The following BDP1 variants were observed in gnomAD, a reference collection of about 807,000 sequenced individuals.
BDP1 encodes transcription factor TFIIIB component B'' homolog.
In BDP1, 169 loss-of-function variants were observed where a neutral mutation model predicts 266.6. The observed-to-expected ratio is 0.63, with a 90% CI of 0.56 to 0.72. BDP1 has a LOEUF of 0.72. Among genes scored for constraint, BDP1 ranks in the 30% least tolerant of loss-of-function variants. The pLI, the probability that BDP1 is intolerant of heterozygous loss-of-function variation, is 0.00. For synonymous variants in BDP1, 1,090 were observed against 1,022.4 expected (o/e 1.07, Z -1.26); for missense variants, 3,015 against 3,053.8 (o/e 0.99, Z 0.30).
At position 71,540,960 on chromosome 5, in the gene BDP1, A is replaced by AT. The variant is rs796093026; in HGVS notation, c.6023-492dup. Among the ~76,000 whole-genome samples the AT allele has an allele frequency of 9.9e-5, 15 of 152,222 alleles. 1 individual carries two copies. The highest frequency in any genetic ancestry group is 3.6e-4 in the African/African-American group (15 of 41,550). On this transcript the variant is annotated intron_variant, in intron 28 of 38. Transcript: ENST00000358731. Reference sequence around the variant, plus strand: ...CTCAAAAATAGATAAATAAAGACATATTAGACTTTTAGGCTTGGAACCATG... The same window carrying AT: ...CTCAAAAATAGATAAATAAAGACATATTTAGACTTTTAGGCTTGGAACCATG...
chr5:71,537,610 C>T lies in BDP1; in HGVS notation c.5893-1432C>T, dbSNP rs796546137. On this transcript the variant is annotated intron_variant, in intron 26 of 38. Coordinates refer to ENST00000358731, the MANE Select transcript of BDP1 (RefSeq NM_018429.3). ...TGGACTTTCCTTGGTTTTTGTTTCT[C>T]TGTTTTCTGTAGGTAAATCTGATTT... 4.5e-4 allele frequency: 71 copies of T among 158,988 alleles called. 1 individual carries two copies. The highest frequency in any genetic ancestry group is 1.6e-3 in the African/African-American group (68 of 41,582). 9.8% of individuals were successfully genotyped at this position (158,988 alleles called of 1,614,324 possible).
chr5:71,542,915 C>T (rs1033475717), intron 30 of BDP1, among the ~76,000 whole-genome samples: 8 of 151,880 alleles, frequency 5.3e-5, no homozygotes, highest in African/African-American at 1.5e-4. Flanking sequence ...GTCCTTGAGC[C>T]GTAGAGAAGT....
chr5:71,543,221 G>T (rs1313223062), intron 30 of BDP1, among the ~76,000 whole-genome samples: 1 of 152,154 alleles, frequency 6.6e-6, no homozygotes, highest in Non-Finnish European at 1.5e-5. Context: ...GGTTGAGGTC[G>T]CAGTGAACTG....
chr5:71,514,831 G>A, intron 19 of BDP1, 113 bp from the exon 20 acceptor site: 2 of 591,612 alleles, frequency 3.4e-6, no homozygotes, highest in South Asian at 3.1e-5. Flanking sequence ...TTAGAATTTT[G>A]GTATAGACTA....
chr5:71,531,152 C>T (rs868193522), intron 25 of BDP1, among the ~76,000 whole-genome samples: 10 of 152,124 alleles, frequency 6.6e-5, no homozygotes, highest in East Asian at 1.9e-4. Flanking sequence ...AGCCATACAA[C>T]GTTTTATACT....
rs776681424 is a variant in BDP1 at position 71,560,157 on chromosome 5, TAAGG to T, written c.7420_7423del (p.Glu2474LysfsTer36). On this transcript the variant is annotated frameshift_variant, in exon 37 of 39. Coordinates refer to ENST00000358731, the MANE Select transcript of BDP1 (RefSeq NM_018429.3). LOFTEE classifies it high-confidence loss of function. ...CTCAGGATGAAATGATTGTGTCTGA[TAAGG>T]AAGAAAGAACTGATGCTGCTCCTAA... The T allele has an allele frequency of 3.7e-6, 6 of 1,614,120 alleles. No individual in the cohort carries two copies. The highest frequency in any genetic ancestry group is 3.4e-6 in the Non-Finnish European group (4 of 1,180,000).
rs1765589257 is a variant in BDP1 at position 71,523,031 on chromosome 5, A to G, written c.5387+82A>G. On this transcript the variant is annotated intron_variant, in intron 24 of 38. Coordinates refer to ENST00000358731, the MANE Select transcript of BDP1 (RefSeq NM_018429.3). The stretch of plus-strand genomic sequence containing the variant: ...TACCTTAACTTACTGGTAGAACAAA[A>G]TTTTTGGGTGTTGAGTCCATTAGAC... The G allele has an allele frequency of 2.4e-6, 3 of 1,257,576 alleles. No individual in the cohort carries two copies. The South Asian group carries it at 5.0e-5, about 21-fold the overall frequency. The allele number at this position is 1,257,576 out of a possible 1,614,324, so 77.9% of individuals were successfully genotyped here.
At chr5:71,556,747 A>G (rs1580218846) in intron 35 of BDP1, 139 bp from the exon 36 acceptor site, 2 of 475,330 alleles carry the variant, frequency 4.2e-6, no homozygotes, top group South Asian at 7.1e-5. Context: ...TATTTTTGCC[A>G]TAAATGTTTA....
intron 7 of BDP1, among the ~76,000 whole-genome samples, chr5:71,482,469 G>A (rs1289039529): frequency 6.6e-6 from 1 of 152,152 alleles, no homozygotes; most frequent in Non-Finnish European, 1.5e-5. Context: ...TGGTGGAGTT[G>A]GATATGTAGG....
chr5:71,574,151 A>G, the BDP1 span, among the ~76,000 whole-genome samples: 12 of 152,238 alleles, frequency 7.9e-5, no homozygotes, highest in African/African-American at 2.9e-4. Flanking sequence ...AAAAGGAGCC[A>G]AGGGTCAGAC....
chr5:71,473,732 G>C (rs1762415819), intron 7 of BDP1, among the ~76,000 whole-genome samples: 1 of 152,010 alleles, frequency 6.6e-6, no homozygotes. Flanking sequence ...ACAACGTGCA[G>C]ATTTGTTACA....
At chr5:71,550,827 T>TC in intron 34 of BDP1, among the ~76,000 whole-genome samples, 1 of 152,232 alleles carries the variant, frequency 6.6e-6, no homozygotes, top group East Asian at 1.9e-4. Flanking sequence ...TGCCTAAGCC[T>TC]CCCAAGTAGC....
chr5:71,510,543 A>G lies in BDP1; in HGVS notation c.3451A>G (p.Arg1151Gly). The G allele has an allele frequency of 1.2e-6, 2 of 1,614,160 alleles. No individual in the cohort carries two copies. Among genetic ancestry groups the G allele is most frequent in the Non-Finnish European group, 1.7e-6 (2 of 1,180,028 alleles). Residue 1151 changes from arginine to glycine, a missense_variant, in exon 17 of 39, where the codon AGA becomes GGA. By Grantham distance (125) the Arg-to-Gly change is moderately radical. This residue lies in a region of BDP1 where 2,383 missense variants were observed against 2,404.9 expected (regional missense o/e 0.99). Transcript: ENST00000358731. ...CAAAGATCTGGAAGAAACTGGAAGAAGAGAAATATCCCCAGAGGAAAATGG... is the reference window on the plus strand; with the variant it reads ...CAAAGATCTGGAAGAAACTGGAAGAGGAGAAATATCCCCAGAGGAAAATGG... ...IDKDLEETGR[R>G]EISPEENGPE... is the part of the protein sequence containing the mutation.
rs1761347654 is a variant in BDP1, at chr5:71,458,653, A to G, written c.287A>G (p.Lys96Arg). ...RSSSTVSQRRKRISSTSSLVK... is the reference protein window; with the variant it reads ...RSSSTVSQRRRRISSTSSLVK... ...TCCTCTACTGTTTCACAGAGAAGAA[A>G]GCGAATATCAAGTACTTCTAGCCTG... The change falls in exon 2 of 39, where the codon AAG becomes AGG. Residue 96 changes from lysine to arginine, a missense_variant. Around this residue, in one of 3 missense-constraint regions of BDP1, gnomAD observed 2,383 missense variants for 2,404.9 expected, o/e 0.99. Coordinates refer to ENST00000358731, the MANE Select transcript of BDP1 (RefSeq NM_018429.3). 1.2e-6 allele frequency: 2 copies of G among 1,613,828 alleles called. No individual in the cohort carries two copies. Among genetic ancestry groups the G allele is most frequent in the Non-Finnish European group, 1.7e-6 (2 of 1,179,724 alleles).
Position 71,522,292 on chromosome 5 carries a change from T to C in BDP1, c.4995T>C (p.His1665=), listed in dbSNP as rs1188858975. The C allele has an allele frequency of 5.6e-6, 9 of 1,611,368 alleles. No individual in the cohort carries two copies. Among genetic ancestry groups the C allele is most frequent in the Middle Eastern group, 3.3e-4 (2 of 6,066 alleles). The change falls in exon 23 of 39, where the codon CAT becomes CAC. Residue 1665 remains histidine, a synonymous_variant. Coordinates refer to ENST00000358731, the MANE Select transcript of BDP1 (RefSeq NM_018429.3). The stretch of plus-strand genomic sequence containing the variant: ...CATGATTCATACTTCATTCTAGACA[T>C]GAAAATAAACCGTATGTTCCTAGTT... ...HVNKTNETIR[H]ENKPYVPSSA...
Position 71,524,165 on chromosome 5 carries a change from C to G in BDP1, c.5614C>G (p.Gln1872Glu). The change falls in exon 25 of 39, where the codon CAG becomes GAG. Residue 1872 changes from glutamine to glutamate, a missense_variant. This residue lies in a region of BDP1 where 2,383 missense variants were observed against 2,404.9 expected (regional missense o/e 0.99). Transcript: ENST00000358731. The part of the protein sequence containing the change: ...KAMLVTLRAS[Q>E]EEDDDADDFE... ...CATGCTGGTGACTCTTCGGGCTTCC[C>G]AGGAAGAAGATGATGATGCTGACGA... is the stretch of plus-strand genomic sequence containing the variant. The G allele has an allele frequency of 6.2e-7, 1 of 1,614,162 alleles. No homozygotes were observed. Among genetic ancestry groups the G allele is most frequent in the Non-Finnish European group, 8.5e-7 (1 of 1,180,028 alleles).
intron 30 of BDP1, among the ~76,000 whole-genome samples, chr5:71,542,778 G>A (rs947817136): frequency 6.6e-6 from 1 of 151,934 alleles, no homozygotes; most frequent in African/African-American, 2.4e-5. Context: ...TTGATCAGAA[G>A]CCTTATTGAT....
At position 71,490,978 on chromosome 5, in the gene BDP1, T is replaced by G; in HGVS notation, c.1493-6T>G. On this transcript the variant is annotated splice_polypyrimidine_tract_variant and splice_region_variant and intron_variant, in intron 10 of 38. Coordinates refer to ENST00000358731, the MANE Select transcript of BDP1 (RefSeq NM_018429.3). ...TTTTAGAATAACATGCATTTTGTAT[T>G]TGTAGATAAATGTCAGGCTATAAGG... 1 of 1,589,594 alleles carries G rather than the reference T, an allele frequency of 6.3e-7. No homozygotes were observed. Among genetic ancestry groups the G allele is most frequent in the Non-Finnish European group, 8.5e-7 (1 of 1,169,668 alleles).
intron 16 of BDP1, among the ~76,000 whole-genome samples, chr5:71,508,782 A>G (rs2150465481): frequency 6.6e-6 from 1 of 152,320 alleles, no homozygotes; most frequent in East Asian, 1.9e-4. Flanking sequence ...AGAAAGCAAA[A>G]CAAAAAGTGC....
Sources: gnomAD v4.1 joint callset for allele counts (sites outside exome capture counted in the v4.1 genomes callset) on GRCh38, gnomAD v4.1.1 for gene constraint, gnomAD v4.1.1 regional missense constraint, MANE v1.5 for transcripts, NCBI Gene and HGNC (gene_info 2026-07-23, HGNC 2026-07-21) for gene names.